PPFIA2: variants seen among roughly 807,000 people sequenced by gnomAD.
The protein encoded by PPFIA2 is liprin-alpha-2.
Under a neutral mutation model 175.5 loss-of-function variants are expected in PPFIA2, and 46 were observed. That is an observed-to-expected ratio of 0.26 (90% CI 0.21 to 0.34). The LOEUF (loss-of-function observed/expected upper bound fraction) is 0.34, where lower values mean the gene tolerates loss of function less well. Among genes scored for constraint, PPFIA2 ranks in the 10% least tolerant of loss-of-function variants. PPFIA2 has a pLI of 1.00. For missense variants in PPFIA2, 1,179 were observed against 1,506.1 expected (o/e 0.78, Z 3.60); for synonymous variants, 568 against 511.4 (o/e 1.11, Z -1.49).
At chr12:81,755,133 C>A (rs576153684) in intron 2 of PPFIA2, among the ~76,000 whole-genome samples, 1 of 152,172 alleles carries the variant, frequency 6.6e-6, no homozygotes, top group Non-Finnish European at 1.5e-5. Flanking sequence ...CACATCTCAA[C>A]CGCCAATCAC....
At position 81,369,214 on chromosome 12, in the gene PPFIA2, A is replaced by G; in HGVS notation, c.1267-20T>C. 1.9e-6 allele frequency: 3 copies of G among 1,601,592 alleles called. No homozygotes were observed. Among genetic ancestry groups the G allele is most frequent in the Non-Finnish European group, 2.6e-6 (3 of 1,172,762 alleles). The stretch of plus-strand genomic sequence containing the variant: ...TTCAGCCTGTTAAGAAATATGAAGA[A>G]TACACCTGAAATGTAAGATTTGGTT... On this transcript the variant is annotated intron_variant, in intron 11 of 32. Transcript: ENST00000549396.
At chr12:81,316,703 G>A (rs2052438845) in intron 22 of PPFIA2, among the ~76,000 whole-genome samples, 1 of 151,422 alleles carries the variant, frequency 6.6e-6, no homozygotes, top group Non-Finnish European at 1.5e-5. Flanking sequence ...TTAAGGATAG[G>A]GTAGGGGCAG....
In PPFIA2 at chr12:81,642,703, T is replaced by TGTATATAATATATACATAC. The variant is rs1173180908; in HGVS notation, c.303+34087_303+34088insGTATGTATATATTATATAC. Among the ~76,000 whole-genome samples, 10 of 13,928 alleles carry TGTATATAATATATACATAC rather than the reference T, an allele frequency of 7.2e-4. 2 individuals are homozygous for TGTATATAATATATACATAC. Among genetic ancestry groups the TGTATATAATATATACATAC allele is most frequent in the East Asian group, 2.7e-3 (2 of 738 alleles). The allele number at this position is 13,928 out of a possible 152,430, so 9.1% of individuals were successfully genotyped here. On this transcript the variant is annotated intron_variant, in intron 4 of 32. Transcript: ENST00000549396. The stretch of plus-strand genomic sequence containing the variant: ...TGTATCTATTATATACATACATGTA[T>TGTATATAATATATACATAC]ATGTATGTATGTATTATATACATAC...
At chr12:81,379,398 A>C (rs960276656) in intron 9 of PPFIA2, among the ~76,000 whole-genome samples, 3 of 152,166 alleles carry the variant, frequency 2.0e-5, no homozygotes, top group African/African-American at 7.2e-5. Context: ...TGTTTCAGAT[A>C]ACAGAAAAGG....
intron 9 of PPFIA2, among the ~76,000 whole-genome samples, chr12:81,381,561 C>T (rs1216850561): frequency 6.6e-6 from 1 of 152,088 alleles, no homozygotes. Flanking sequence ...GAATGAACAA[C>T]AGACCAAGAA....
chr12:81,700,543 A>T (rs2076369712), intron 3 of PPFIA2, among the ~76,000 whole-genome samples: 1 of 152,114 alleles, frequency 6.6e-6, no homozygotes, highest in Non-Finnish European at 1.5e-5. Context: ...GTTTTGTTTT[A>T]ACAAATTCCA....
rs565823620 is a variant in PPFIA2 at position 81,476,517 on chromosome 12, A to C, written c.304-18651T>G. Among the ~76,000 whole-genome samples, 5 of 152,356 alleles carry C rather than the reference A, an allele frequency of 3.3e-5. No individual in the cohort carries two copies. The South Asian group carries it at 1.0e-3, about 32-fold the overall frequency. ...ATAAAAATTAAGTTCATAAAGAAAAATACAATAAATCTATATTTATATCAC... is the reference window on the plus strand; with the variant it reads ...ATAAAAATTAAGTTCATAAAGAAAACTACAATAAATCTATATTTATATCAC... On this transcript the variant is annotated intron_variant, in intron 4 of 32. Transcript: ENST00000549396.
intron 16 of PPFIA2, among the ~76,000 whole-genome samples, chr12:81,355,555 T>C (rs925067110): frequency 1.3e-5 from 2 of 152,216 alleles, no homozygotes; most frequent in Non-Finnish European, 2.9e-5. Flanking sequence ...CAATGGAAGG[T>C]GGTTTCATCT....
At chr12:81,634,155 G>C (rs1218650233) in intron 4 of PPFIA2, among the ~76,000 whole-genome samples, 1 of 152,052 alleles carries the variant, frequency 6.6e-6, no homozygotes, top group Non-Finnish European at 1.5e-5. Context: ...TGCAATAGCA[G>C]GTTTTGTTCT....
chr12:81,325,939 T>TTAAGA lies in PPFIA2; in HGVS notation c.2549-70_2549-69insTCTTA, dbSNP rs2139804889. The stretch of plus-strand genomic sequence containing the variant: ...TTGTGTCAATTCTGAAGTCAGGTTG[T>TTAAGA]TAAAGGTTTAGTTGAGCAACTGTTT... On this transcript the variant is annotated intron_variant, in intron 21 of 32. Transcript: ENST00000549396. The TTAAGA allele has an allele frequency of 2.5e-6, 3 of 1,183,388 alleles. No individual in the cohort carries two copies. The East Asian group carries it at 7.2e-5, about 28-fold the overall frequency. 73.3% of individuals were successfully genotyped at this position (1,183,388 alleles called of 1,614,324 possible).
In PPFIA2 at chr12:81,366,325, A is replaced by T. The variant is rs961596629; in HGVS notation, c.1545+783T>A. 2.0e-5 allele frequency among the ~76,000 whole-genome samples: 3 copies of T among 151,662 alleles called. No homozygotes were observed. In the Admixed American group the frequency reaches 2.0e-4, roughly 10 times the overall value. ...AGTTTCCTCTTCTACCACATACCCT[A>T]CAACAGGAATAATTGATTCCAGCCA... is the stretch of plus-strand genomic sequence containing the variant. On this transcript the variant is annotated intron_variant, in intron 14 of 32. Coordinates refer to ENST00000549396, the MANE Select transcript of PPFIA2 (RefSeq NM_003625.5).
intron 22 of PPFIA2, among the ~76,000 whole-genome samples, chr12:81,301,668 A>G (rs7980625): frequency 0.51 from 77,772 of 151,924 alleles, 20,534 homozygotes; most frequent in East Asian, 0.87. Context: ...CTAAACTCCC[A>G]TCTCAGTCAG....
chr12:81,554,155 T>G (rs1044711360), intron 4 of PPFIA2, among the ~76,000 whole-genome samples: 4 of 152,120 alleles, frequency 2.6e-5, no homozygotes, highest in East Asian at 3.9e-4. Context: ...ATGATAAGTC[T>G]GAACTAAAAT....
chr12:81,385,241 C>A (rs1054283353), intron 8 of PPFIA2, among the ~76,000 whole-genome samples: 40 of 152,070 alleles, frequency 2.6e-4, no homozygotes, highest in African/African-American at 8.2e-4. Context: ...AAAATGGAAC[C>A]CTTGTATGCT....
At chr12:81,523,653 G>T (rs1022601707) in intron 4 of PPFIA2, among the ~76,000 whole-genome samples, 5 of 151,880 alleles carry the variant, frequency 3.3e-5, no homozygotes, top group Admixed American at 3.3e-4. Flanking sequence ...CATTCCTGGG[G>T]GTGGTATCTG....
intron 5 of PPFIA2, among the ~76,000 whole-genome samples, chr12:81,450,465 G>A (rs187558975): frequency 2.2e-4 from 33 of 152,204 alleles, no homozygotes; most frequent in African/African-American, 7.0e-4. Flanking sequence ...CGTATCCTTC[G>A]CCCACTTTTT....
intron 9 of PPFIA2, among the ~76,000 whole-genome samples, chr12:81,377,858 A>C (rs1040460710): frequency 2.0e-5 from 3 of 152,166 alleles, no homozygotes; most frequent in Non-Finnish European, 4.4e-5. Flanking sequence ...ACATCCCCCC[A>C]AAATTCGTGT....
intron 7 of PPFIA2, among the ~76,000 whole-genome samples, chr12:81,412,553 CT>C (rs2143009003): frequency 6.6e-6 from 1 of 151,984 alleles, no homozygotes; most frequent in Admixed American, 6.6e-5. Flanking sequence ...ACCACAATTG[CT>C]TTTGCACCAA....
chr12:81,272,883 C>A (rs1442314010), intron 28 of PPFIA2, among the ~76,000 whole-genome samples: 1 of 152,112 alleles, frequency 6.6e-6, no homozygotes, highest in Admixed American at 6.6e-5. Flanking sequence ...GCTTAGGAAT[C>A]TCCTTCACTA....
Sources: allele counts gnomAD v4.1 joint callset (sites outside exome capture counted in the v4.1 genomes callset), GRCh38; gene constraint gnomAD v4.1.1; transcripts MANE v1.5; gene names NCBI Gene and HGNC (gene_info 2026-07-23, HGNC 2026-07-21).